Variants in BABAM2 observed in about 807,000 individuals in gnomAD.
BABAM2 encodes the protein BRISC and BRCA1-A complex member 2.
BABAM2 carries 31 observed loss-of-function variants against 54.7 expected under a neutral mutation model. The ratio of observed to expected loss-of-function variants is 0.57; its 90% CI spans 0.43 to 0.77. BABAM2 has a LOEUF of 0.77. BABAM2 is among the 30% of genes least tolerant of loss of function. BABAM2 has a pLI of 0.00. For missense variants in BABAM2, 364 were observed against 455.8 expected, an observed-to-expected ratio of 0.80 and a Z score of 1.83; for synonymous variants, 167 against 162.9, an observed-to-expected ratio of 1.03 and a Z score of -0.19.
intron 7 of BABAM2, among the ~76,000 whole-genome samples, chr2:28,202,963 C>A (rs1292585012): frequency 6.6e-6 from 1 of 152,084 alleles, no homozygotes; most frequent in Non-Finnish European, 1.5e-5. Flanking sequence ...GTCCTCCACC[C>A]CCCCACAGAA....
chr2:27,902,234 G>C (rs148105559), intron 2 of BABAM2, among the ~76,000 whole-genome samples: 1 of 152,146 alleles, frequency 6.6e-6, no homozygotes, highest in African/African-American at 2.4e-5. Context: ...AAAATCAATT[G>C]AGTGAGTCAC....
Position 28,329,546 on chromosome 2 carries a change from A to G in BABAM2, c.1089-8904A>G, listed in dbSNP as rs552507929. 1.3e-5 allele frequency among the ~76,000 whole-genome samples: 2 copies of G among 152,354 alleles called. No homozygotes were observed. Among genetic ancestry groups the G allele is most frequent in the African/African-American group, 4.8e-5 (2 of 41,582 alleles). ...ACAAACAACCATCAGAGAATACTAT[A>G]TAAACACCTCTGTGCAAATAAGCTA... is the stretch of plus-strand genomic sequence containing the variant. On this transcript the variant is annotated intron_variant, in intron 11 of 11. Transcript: ENST00000379624. The surrounding 1 kb of genome is among the most constrained non-coding windows in gnomAD (Gnocchi z 4.2).
intron 1 of BABAM2, among the ~76,000 whole-genome samples, chr2:27,893,235 T>C (rs1665008629): frequency 6.6e-6 from 1 of 152,176 alleles, no homozygotes; most frequent in South Asian, 2.1e-4. Flanking sequence ...TAGAAATCTA[T>C]TAAGAAGAAT....
chr2:28,025,476 A>T, intron 5 of BABAM2, 56 bp downstream of exon 5: 2 of 1,433,688 alleles, frequency 1.4e-6, no homozygotes, highest in Non-Finnish European at 1.9e-6. Context: ...AAAATAATCA[A>T]TTCATATGTC....
At chr2:28,124,461 G>T (rs1669331692) in intron 6 of BABAM2, among the ~76,000 whole-genome samples, 1 of 152,146 alleles carries the variant, frequency 6.6e-6, no homozygotes, top group African/African-American at 2.4e-5. Flanking sequence ...CCTGACCTGG[G>T]CTCTCCTTTT....
intron 6 of BABAM2, among the ~76,000 whole-genome samples, chr2:28,098,435 T>A (rs1330451868): frequency 6.6e-6 from 1 of 151,870 alleles, no homozygotes; most frequent in African/African-American, 2.4e-5. Flanking sequence ...TTATTTTAAG[T>A]TGATTTTATT....
intron 3 of BABAM2, among the ~76,000 whole-genome samples, chr2:27,986,700 A>G (rs1672420966): frequency 6.6e-6 from 1 of 152,172 alleles, no homozygotes; most frequent in Admixed American, 6.5e-5. Flanking sequence ...TGAGAACTGA[A>G]GTTTAAATGT....
At chr2:28,080,131 A>T (rs1665035442) in intron 6 of BABAM2, among the ~76,000 whole-genome samples, 1 of 152,170 alleles carries the variant, frequency 6.6e-6, no homozygotes, top group Admixed American at 6.5e-5. Flanking sequence ...TTAGATTTTT[A>T]AAAGTAGTTA....
intron 10 of BABAM2, among the ~76,000 whole-genome samples, chr2:28,271,955 A>G (rs370718123): frequency 4.6e-5 from 7 of 152,226 alleles, no homozygotes; most frequent in African/African-American, 1.4e-4. Context: ...CTTCAAGAGC[A>G]TTAACTTTCA....
chr2:28,207,186 T>C (rs1678933980), intron 7 of BABAM2, among the ~76,000 whole-genome samples: 1 of 152,066 alleles, frequency 6.6e-6, no homozygotes. Flanking sequence ...AGAAGTCACA[T>C]AAAACTACAA....
intron 4 of BABAM2, among the ~76,000 whole-genome samples, chr2:27,997,305 G>A (rs72812552): frequency 0.079 from 11,956 of 152,116 alleles, 800 homozygotes; most frequent in African/African-American, 0.18. Flanking sequence ...TGACCCAAGA[G>A]AATATGAGAA....
chr2:28,147,022 C>G (rs1219767533), intron 7 of BABAM2, among the ~76,000 whole-genome samples: 1 of 152,170 alleles, frequency 6.6e-6, no homozygotes. Flanking sequence ...TTTTGGAGAT[C>G]TGAAATGAGT....
At chr2:28,335,390 G>A (rs1691358667) in intron 11 of BABAM2, among the ~76,000 whole-genome samples, 1 of 152,100 alleles carries the variant, frequency 6.6e-6, no homozygotes. Flanking sequence ...GGCTGGTCTT[G>A]AACTCCTGAC....
intron 5 of BABAM2, among the ~76,000 whole-genome samples, chr2:28,034,602 G>T (rs1246965653): frequency 1.3e-5 from 2 of 152,100 alleles, no homozygotes; most frequent in African/African-American, 4.8e-5. Flanking sequence ...AGAGAGCAAG[G>T]TAAAAGTGAA....
chr2:28,060,967 G>C (rs1272314631), intron 6 of BABAM2, among the ~76,000 whole-genome samples: 1 of 152,112 alleles, frequency 6.6e-6, no homozygotes, highest in East Asian at 1.9e-4. Context: ...TGTAAAAATT[G>C]ACAATCTGAT....
chr2:28,224,388 G>A (rs1680681269), intron 7 of BABAM2, among the ~76,000 whole-genome samples: 1 of 152,164 alleles, frequency 6.6e-6, no homozygotes, highest in African/African-American at 2.4e-5. Flanking sequence ...TTTCACGCAA[G>A]CCCTTTTGTG....
chr2:28,289,408 A>G (rs1428667545), intron 10 of BABAM2, among the ~76,000 whole-genome samples: 1 of 152,246 alleles, frequency 6.6e-6, no homozygotes, highest in Non-Finnish European at 1.5e-5. Flanking sequence ...ATGTGTATAA[A>G]GACTATGAAA....
intron 1 of BABAM2, 127 bp from the exon 2 acceptor site, chr2:27,894,405 GC>G (rs1558566909): frequency 2.2e-6 from 2 of 924,212 alleles, no homozygotes; most frequent in African/African-American, 1.7e-5. Context: ...AAGAGGCTGC[GC>G]TAGAGATGGG....
chr2:28,026,804 AAAT>A (rs1215970285), intron 5 of BABAM2, among the ~76,000 whole-genome samples: 3 of 98,650 alleles, frequency 3.0e-5, no homozygotes, highest in Admixed American at 1.5e-4. Flanking sequence ...TTTATATAAA[AAAT>A]ATATAAATAT....
Sources: allele counts gnomAD v4.1 joint callset (sites outside exome capture counted in the v4.1 genomes callset), GRCh38; gene constraint gnomAD v4.1.1; non-coding constraint Gnocchi (gnomAD v3.1); transcripts MANE v1.5; gene names NCBI Gene and HGNC (gene_info 2026-07-23, HGNC 2026-07-21).